The following NUP188 variants were observed in gnomAD, a reference collection of about 807,000 sequenced individuals.
NUP188 encodes the protein nucleoporin 188, also known as nucleoporin NUP188.
In NUP188, 97 loss-of-function variants were observed where a neutral mutation model predicts 223.0. The ratio of observed to expected loss-of-function variants is 0.43; its 90% CI spans 0.37 to 0.51. The LOEUF is 0.51. NUP188 is among the 20% of genes least tolerant of loss of function. NUP188 has a pLI of 0.00. For synonymous variants in NUP188, 869 were observed against 828.0 expected (o/e 1.05, Z -0.85); for missense variants, 1,947 against 2,175.6 (o/e 0.89, Z 2.09).
intron 30 of NUP188, among the ~76,000 whole-genome samples, chr9:128,997,885 TA>T (rs1842557126): frequency 6.6e-6 from 1 of 151,238 alleles, no homozygotes; most frequent in African/African-American, 2.5e-5. Flanking sequence ...CATGCCTGGC[TA>T]ATTTTTGTAT....
At position 128,986,742 on chromosome 9, in the gene NUP188, T is replaced by C. The variant is rs1842338992; in HGVS notation, c.2197+64T>C. 2.5e-6 allele frequency: 4 copies of C among 1,613,726 alleles called. No individual in the cohort carries two copies. In the South Asian group the frequency reaches 3.3e-5, roughly 13 times the overall value. On this transcript the variant is annotated intron_variant, in intron 21 of 43. Transcript: ENST00000372577. ...GGCCCCACTGGAGAGCTTTTTTCTTTCCCTTTCTTGAGATAAGGGGTCATT... is the reference window on the plus strand; with the variant it reads ...GGCCCCACTGGAGAGCTTTTTTCTTCCCCTTTCTTGAGATAAGGGGTCATT...
chr9:128,970,344 C>A (rs1286959275), intron 10 of NUP188, among the ~76,000 whole-genome samples: 3 of 151,852 alleles, frequency 2.0e-5, no homozygotes, highest in Admixed American at 2.0e-4. Flanking sequence ...GGTACAAGGA[C>A]AAAAGAGGCC....
intron 3 of NUP188, among the ~76,000 whole-genome samples, chr9:128,953,924 G>C (rs961941447): frequency 6.6e-6 from 1 of 151,918 alleles, no homozygotes; most frequent in Non-Finnish European, 1.5e-5. Context: ...CCACCTCCCG[G>C]GTTCAAGTGA....
intron 8 of NUP188, among the ~76,000 whole-genome samples, chr9:128,965,804 ATT>A (rs569267528): frequency 8.0e-5 from 11 of 136,942 alleles, no homozygotes; most frequent in Non-Finnish European, 9.6e-5. Flanking sequence ...TCTGTTGTGT[ATT>A]TTTTTTTTTT....
intron 24 of NUP188, 105 bp from the exon 25 acceptor site, chr9:128,990,015 T>C (rs1465472111): frequency 1.2e-6 from 1 of 864,552 alleles, no homozygotes; most frequent in Non-Finnish European, 1.9e-6. Flanking sequence ...TACTTGAGGG[T>C]AAATTCCTTC....
chr9:128,977,955 T>C (rs1842202524), intron 12 of NUP188, among the ~76,000 whole-genome samples: 1 of 152,202 alleles, frequency 6.6e-6, no homozygotes, highest in Non-Finnish European at 1.5e-5. Context: ...AATCCTACTT[T>C]GAAGCAGAAA....
Position 128,949,308 on chromosome 9 carries a change from A to C in NUP188, c.87+65A>C, listed in dbSNP as rs17455280. On this transcript the variant is annotated intron_variant, in intron 2 of 43. Coordinates refer to ENST00000372577, the MANE Select transcript of NUP188 (RefSeq NM_015354.3). ...TGTGTAGCTTTTGTTACCAAAAAAA[A>C]CCTTTTTTTAAATGTAGGAAGTAAA... 111 of 1,171,934 alleles carry C rather than the reference A, an allele frequency of 9.5e-5. 1 individual carries two copies. The highest frequency in any genetic ancestry group is 1.3e-4 in the Non-Finnish European group (105 of 796,122). The allele number at this position is 1,171,934 out of a possible 1,614,324, so 72.6% of individuals were successfully genotyped here.
intron 5 of NUP188, 49 bp from the exon 6 acceptor site, chr9:128,957,961 G>C: frequency 7.0e-7 from 1 of 1,422,658 alleles, no homozygotes; most frequent in Non-Finnish European, 9.7e-7. Context: ...TTTATTACTT[G>C]AGTTTTGCCT....
At chr9:128,949,264 G>A in intron 2 of NUP188, 21 bp downstream of exon 2, 1 of 1,594,476 alleles carries the variant, frequency 6.3e-7, no homozygotes, top group Non-Finnish European at 8.6e-7. Context: ...GTGTTCTTGA[G>A]TGGGTTCTCT....
At chr9:128,952,513 G>A (rs1841805664) in intron 2 of NUP188, among the ~76,000 whole-genome samples, 1 of 152,058 alleles carries the variant, frequency 6.6e-6, no homozygotes, top group Non-Finnish European at 1.5e-5. Context: ...ACTTGAGGTG[G>A]GGAGTTCGAG....
rs1842252462 is a variant in NUP188 at position 128,981,410 on chromosome 9, C to T, written c.1516+20C>T. 1.3e-6 allele frequency: 2 copies of T among 1,581,602 alleles called. No individual in the cohort carries two copies. Among genetic ancestry groups the T allele is most frequent in the East Asian group, 2.2e-5 (1 of 44,696 alleles). On this transcript the variant is annotated intron_variant, in intron 15 of 43. Transcript: ENST00000372577. The stretch of plus-strand genomic sequence containing the variant: ...CCCTTGGTGAGATAAAGAGATCCCC[C>T]TTTTATGACAGCTTTTTTTTTTTTT...
intron 30 of NUP188, among the ~76,000 whole-genome samples, chr9:128,996,734 G>A (rs1402598734): frequency 6.6e-6 from 1 of 152,104 alleles, no homozygotes; most frequent in Non-Finnish European, 1.5e-5. Flanking sequence ...TTAGGCAGCA[G>A]TTCTTGAATT....
Position 128,982,615 on chromosome 9 carries a change from A to G in NUP188, c.1583A>G (p.Tyr528Cys). The change falls in exon 16 of 44, where the codon TAC becomes TGC. Residue 528 changes from tyrosine to cysteine, a missense_variant. Tyr to Cys is a radical substitution (Grantham distance 194). Coordinates refer to ENST00000372577, the MANE Select transcript of NUP188 (RefSeq NM_015354.3). ...VGQVMLDDRA[Y>C]LVRWEYSYSS... ...CAAGTAATGTTGGATGATAGGGCAT[A>G]CCTGGTACGCTGGGAATACTCCTAT... 1 of 1,614,126 alleles carries G rather than the reference A, an allele frequency of 6.2e-7. No individual in the cohort carries two copies. The highest frequency in any genetic ancestry group is 8.5e-7 in the Non-Finnish European group (1 of 1,180,006).
intron 15 of NUP188, 98 bp from the exon 16 acceptor site, chr9:128,982,451 T>G: frequency 8.9e-7 from 1 of 1,126,550 alleles, no homozygotes; most frequent in African/African-American, 1.6e-5. Flanking sequence ...GTCTGTGAGT[T>G]TGTGTATCTC....
intron 25 of NUP188, among the ~76,000 whole-genome samples, chr9:128,991,704 G>A (rs562311064): frequency 6.7e-6 from 1 of 149,036 alleles, no homozygotes; most frequent in Non-Finnish European, 1.5e-5. Flanking sequence ...TTAGCCGGGT[G>A]TGGCTGCGTG....
chr9:128,956,803 A>G, intron 4 of NUP188, 149 bp from the exon 5 acceptor site: 1 of 568,496 alleles, frequency 1.8e-6, no homozygotes, highest in Non-Finnish European at 3.1e-6. Context: ...GTCTTCTATT[A>G]GAGTCAGAAT....
rs1467913810 is a variant in NUP188 at position 128,988,137 on chromosome 9, ACCT to A, written c.2488_2490del (p.Pro830del). On this transcript the variant is annotated inframe_deletion, in exon 24 of 44. Transcript: ENST00000372577. ...TCACCAACAATGTTATTCGGCTGAA[ACCT>A]CCTTCTAATGTGGTGTCCCCCCTGG... 16 of 1,613,422 alleles carry A rather than the reference ACCT, an allele frequency of 9.9e-6. No individual in the cohort carries two copies. The highest frequency in any genetic ancestry group is 3.3e-5 in the Admixed American group (2 of 59,890).
intron 32 of NUP188, among the ~76,000 whole-genome samples, chr9:128,998,834 G>T (rs958411484): frequency 2.0e-5 from 3 of 149,980 alleles, no homozygotes; most frequent in Non-Finnish European, 4.4e-5. Flanking sequence ...GAGGTATTTT[G>T]TCTCACTCCC....
At chr9:128,974,544 G>A in intron 12 of NUP188, among the ~76,000 whole-genome samples, 1 of 151,738 alleles carries the variant, frequency 6.6e-6, no homozygotes, top group East Asian at 1.9e-4. Context: ...TTTTTAAGAT[G>A]AAACATTTCA....
Sources: gnomAD v4.1 joint callset for allele counts (sites outside exome capture counted in the v4.1 genomes callset) on GRCh38, gnomAD v4.1.1 for gene constraint, MANE v1.5 for transcripts, NCBI Gene and HGNC (gene_info 2026-07-23, HGNC 2026-07-21) for gene names.